The following SOCS2 variants were observed in gnomAD, a reference collection of about 807,000 sequenced individuals.
SOCS2 encodes the protein suppressor of cytokine signaling 2, also known as CIS-2.
Under a neutral mutation model 18.6 loss-of-function variants are expected in SOCS2, and 10 were observed. That is an observed-to-expected ratio of 0.54 (90% CI 0.33 to 0.91). SOCS2 has a LOEUF of 0.91. Ranked by LOEUF, SOCS2 falls within the 40% of genes least tolerant of loss-of-function variation. The pLI is 0.02. For missense variants in SOCS2, 231 were observed against 247.2 expected (o/e 0.93, Z 0.44); for synonymous variants, 104 against 104.0 (o/e 1.00, Z 0.00).
chr12:93,580,618 CAAA>C (rs35305411), downstream of SOCS2, among the ~76,000 whole-genome samples: 1 of 73,134 alleles, frequency 1.4e-5, no homozygotes, highest in African/African-American at 4.9e-5. Context: ...GAGACTGTCT[CAAA>C]AAAAAAAAAA....
At chr12:93,621,312 A>T in the SOCS2 span, among the ~76,000 whole-genome samples, 6 of 151,498 alleles carry the variant, frequency 4.0e-5, no homozygotes, top group Non-Finnish European at 8.8e-5. Context: ...ACCTGAGGGG[A>T]TGTTGGGAAG....
chr12:93,579,451 A>ATT (rs372414615), downstream of SOCS2, among the ~76,000 whole-genome samples: 4 of 149,702 alleles, frequency 2.7e-5, no homozygotes, highest in African/African-American at 9.8e-5. Flanking sequence ...TGTTATGGGC[A>ATT]TTTTTTTTTT....
At chr12:93,605,464 A>G in the SOCS2 span, among the ~76,000 whole-genome samples, 1 of 152,136 alleles carries the variant, frequency 6.6e-6, no homozygotes. Flanking sequence ...CCTTATTTTT[A>G]AAAAAAGTCA....
In SOCS2 at chr12:93,576,450, T is replaced by C. The variant is rs979427175; in HGVS notation, c.*1271T>C. The stretch of plus-strand genomic sequence containing the variant: ...ATAGGCATAACACTGATGTCCTCTG[T>C]GTTTCCAAAAACATGGTTTAGAAAC... On this transcript the variant is annotated 3_prime_UTR_variant, in exon 2 of 2. Coordinates refer to ENST00000551556, the MANE Select transcript of SOCS2 (RefSeq NM_001270471.2). 1.3e-5 allele frequency: 2 copies of C among 152,252 alleles called. No homozygotes were observed. Among genetic ancestry groups the C allele is most frequent in the African/African-American group, 2.4e-5 (1 of 41,466 alleles). The allele number at this position is 152,252 out of a possible 1,614,324, so 9.4% of individuals were successfully genotyped here.
chr12:93,572,809 G>A lies in SOCS2; in HGVS notation c.-89G>A. 1.3e-6 allele frequency: 2 copies of A among 1,522,686 alleles called. No homozygotes were observed. Among genetic ancestry groups the A allele is most frequent in the African/African-American group, 2.8e-5 (2 of 72,614 alleles). The allele number at this position is 1,522,686 out of a possible 1,614,324, so 94.3% of individuals were successfully genotyped here. On this transcript the variant is annotated 5_prime_UTR_variant, in exon 1 of 2. Coordinates refer to ENST00000551556, the MANE Select transcript of SOCS2 (RefSeq NM_001270471.2). The surrounding 1 kb of genome is among the most constrained non-coding windows in gnomAD (Gnocchi z 5.0). ...GACACCCCGCAGGGACTCGTTTTGGGATTCGCACTGACTTCAAGGAAGGAC... is the reference window on the plus strand; with the variant it reads ...GACACCCCGCAGGGACTCGTTTTGGAATTCGCACTGACTTCAAGGAAGGAC...
chr12:93,608,000 CTTTTTTTTTT>C, the SOCS2 span, among the ~76,000 whole-genome samples: 3 of 124,464 alleles, frequency 2.4e-5, no homozygotes, highest in African/African-American at 9.1e-5. Context: ...GACTGTAAAT[CTTTTTTTTTT>C]TTTTTTTTTG....
the SOCS2 span, among the ~76,000 whole-genome samples, chr12:93,594,927 A>G: frequency 3.3e-5 from 5 of 152,204 alleles, no homozygotes; most frequent in African/African-American, 1.2e-4. Flanking sequence ...AATTCAAAAC[A>G]TAGGGTACCA....
downstream of SOCS2, among the ~76,000 whole-genome samples, chr12:93,586,075 T>C (rs1003204961): frequency 2.0e-5 from 3 of 152,164 alleles, no homozygotes; most frequent in South Asian, 4.1e-4. Context: ...AATATTTTCG[T>C]TCTGTGGTTG....
At chr12:93,625,937 C>G in the SOCS2 span, among the ~76,000 whole-genome samples, 1 of 151,974 alleles carries the variant, frequency 6.6e-6, no homozygotes, top group South Asian at 2.1e-4. Flanking sequence ...GATACTCTAT[C>G]TTGTTATTTT....
the SOCS2 span, among the ~76,000 whole-genome samples, chr12:93,609,475 A>G: frequency 2.6e-5 from 4 of 151,700 alleles, no homozygotes; most frequent in Non-Finnish European, 5.9e-5. Flanking sequence ...ATTAATTTTT[A>G]TTACCTTAAT....
chr12:93,572,940 G>C lies in SOCS2; in HGVS notation c.43G>C (p.Gly15Arg), dbSNP rs934822581. 11 of 1,569,862 alleles carry C rather than the reference G, an allele frequency of 7.0e-6. No homozygotes were observed. The African/African-American group carries it at 1.5e-4, about 21-fold the overall frequency. Reference sequence around the variant, plus strand: ...TGAGCCCTCCGGGAATGGCGGGGAAGGGACGCGGAGCCAGTGGGGGACCGC... The same window carrying C: ...TGAGCCCTCCGGGAATGGCGGGGAACGGACGCGGAGCCAGTGGGGGACCGC... The part of the protein sequence containing the change: ...CLEPSGNGGE[G>R]TRSQWGTAGS... Residue 15 changes from glycine to arginine, a missense_variant, in exon 1 of 2, where the codon GGG becomes CGG. Coordinates refer to ENST00000551556, the MANE Select transcript of SOCS2 (RefSeq NM_001270471.2). The surrounding 1 kb of genome is among the most constrained non-coding windows in gnomAD (Gnocchi z 5.0).
At chr12:93,617,036 G>A in the SOCS2 span, among the ~76,000 whole-genome samples, 1 of 152,268 alleles carries the variant, frequency 6.6e-6, no homozygotes, top group East Asian at 1.9e-4. Context: ...TGCAAACCCA[G>A]TACTACCGAG....
At chr12:93,594,003 AG>A in the SOCS2 span, among the ~76,000 whole-genome samples, 2 of 152,226 alleles carry the variant, frequency 1.3e-5, no homozygotes, top group Non-Finnish European at 2.9e-5. Context: ...ACAAGCCAGC[AG>A]GAAGAGAGGG....
downstream of SOCS2, among the ~76,000 whole-genome samples, chr12:93,584,277 TA>T (rs1182323810): frequency 6.9e-6 from 1 of 144,030 alleles, no homozygotes; most frequent in Non-Finnish European, 1.5e-5. Context: ...ATTAGGCTGT[TA>T]CCTCTCTCCC....
upstream of SOCS2, chr12:93,570,654 C>T (rs561495747): frequency 1.2e-3 from 181 of 152,394 alleles, 1 homozygote; most frequent in South Asian, 0.012. Context: ...CCCGGGCGCT[C>T]AGCTGGCCCG....
the SOCS2 span, among the ~76,000 whole-genome samples, chr12:93,620,278 TGGTA>T: frequency 6.6e-6 from 1 of 152,256 alleles, no homozygotes; most frequent in Non-Finnish European, 1.5e-5. Flanking sequence ...AATGTTTTGA[TGGTA>T]GTCTAATAGT....
chr12:93,587,474 G>A (rs1039277003), downstream of SOCS2, among the ~76,000 whole-genome samples: 16 of 152,226 alleles, frequency 1.1e-4, no homozygotes, highest in South Asian at 1.0e-3. Flanking sequence ...GAGGTCAGGA[G>A]ATCGAGACCA....
chr12:93,619,867 T>C, the SOCS2 span, among the ~76,000 whole-genome samples: 1 of 152,208 alleles, frequency 6.6e-6, no homozygotes, highest in Admixed American at 6.5e-5. Flanking sequence ...ATGCTCCTCC[T>C]CTTCACAGCC....
At chr12:93,594,003 A>C in the SOCS2 span, among the ~76,000 whole-genome samples, 1 of 152,226 alleles carries the variant, frequency 6.6e-6, no homozygotes, top group Non-Finnish European at 1.5e-5. Flanking sequence ...ACAAGCCAGC[A>C]GGAAGAGAGG....
Sources: gnomAD v4.1 joint callset for allele counts (sites outside exome capture counted in the v4.1 genomes callset) on GRCh38, gnomAD v4.1.1 for gene constraint, Gnocchi (gnomAD v3.1) non-coding constraint, MANE v1.5 for transcripts, NCBI Gene and HGNC (gene_info 2026-07-23, HGNC 2026-07-21) for gene names.